C1orf146: variants seen among roughly 807,000 people sequenced by gnomAD.
C1orf146 encodes the protein chromosome 1 open reading frame 146.
C1orf146 carries 22 observed loss-of-function variants against 23.0 expected under a neutral mutation model. That is an observed-to-expected ratio of 0.96 (90% CI 0.68 to 1.36). The LOEUF is 1.36. Among genes scored for constraint, C1orf146 ranks in the 40% most tolerant of loss-of-function variants. The pLI, the probability that C1orf146 is intolerant of heterozygous loss-of-function variation, is 0.00. For synonymous variants in C1orf146, 59 were observed against 65.3 expected (o/e 0.90, Z 0.47); for missense variants, 199 against 206.8 (o/e 0.96, Z 0.23).
intron 2 of C1orf146, among the ~76,000 whole-genome samples, chr1:92,241,607 G>C (rs1338274027): frequency 6.6e-6 from 1 of 151,992 alleles, no homozygotes; most frequent in East Asian, 1.9e-4. Context: ...TCCTGCCTCA[G>C]CCTCCCAAGT....
At chr1:92,221,653 A>G (rs1416118576) in intron 1 of C1orf146, among the ~76,000 whole-genome samples, 1 of 152,204 alleles carries the variant, frequency 6.6e-6, no homozygotes, top group African/African-American at 2.4e-5. Context: ...GACCTTTTTC[A>G]GTGAATATCA....
At position 92,242,252 on chromosome 1, in the gene C1orf146, A is replaced by C. The variant is rs765284031; in HGVS notation, c.107A>C (p.Lys36Thr). 6.2e-7 allele frequency: 1 copy of C among 1,603,924 alleles called. No individual in the cohort carries two copies. The highest frequency in any genetic ancestry group is 1.1e-5 in the South Asian group (1 of 88,986). The change falls in exon 3 of 6, where the codon AAA (lysine) becomes ACA (threonine). Residue 36 changes from lysine (K) to threonine (T), a missense_variant. Transcript: ENST00000370375. ...VATALENRSH[K>T]VRYSDSVENG... ...ACTGCCCTAGAAAATCGAAGCCACA[A>C]AGTTCGATATTCAGATTCAGTGGAA...
intron 2 of C1orf146, among the ~76,000 whole-genome samples, chr1:92,238,913 G>T (rs569575545): frequency 6.6e-6 from 1 of 152,018 alleles, no homozygotes; most frequent in Non-Finnish European, 1.5e-5. Flanking sequence ...ATTTGACTCA[G>T]ATTTTTTGTT....
At chr1:92,227,030 A>C (rs1651984990) in intron 1 of C1orf146, among the ~76,000 whole-genome samples, 1 of 152,188 alleles carries the variant, frequency 6.6e-6, no homozygotes. Flanking sequence ...GACCTAAAGC[A>C]CCTTAGGTAC....
chr1:92,230,900 A>G (rs1042726587), intron 1 of C1orf146, among the ~76,000 whole-genome samples: 1 of 152,276 alleles, frequency 6.6e-6, no homozygotes, highest in Admixed American at 6.5e-5. Flanking sequence ...TTTCTTTCCT[A>G]TAATACAACC....
At chr1:92,228,353 A>ACAGT (rs932900189) in intron 1 of C1orf146, among the ~76,000 whole-genome samples, 2 of 152,196 alleles carry the variant, frequency 1.3e-5, no homozygotes, top group Non-Finnish European at 1.5e-5. Flanking sequence ...TCTCTTCATT[A>ACAGT]CAGTCAGCTT....
At chr1:92,229,249 C>T in intron 1 of C1orf146, 1 of 556,488 alleles carries the variant, frequency 1.8e-6, no homozygotes, top group Non-Finnish European at 3.6e-6. Flanking sequence ...CTGGACAGCA[C>T]TGTGTTGGCG....
chr1:92,225,479 T>A (rs1386650906), intron 1 of C1orf146, among the ~76,000 whole-genome samples: 1 of 152,248 alleles, frequency 6.6e-6, no homozygotes, highest in African/African-American at 2.4e-5. Flanking sequence ...TTTTTATGTT[T>A]TATGTTTGTT....
intron 1 of C1orf146, among the ~76,000 whole-genome samples, chr1:92,223,809 C>T (rs914251050): frequency 6.6e-6 from 1 of 152,148 alleles, no homozygotes; most frequent in African/African-American, 2.4e-5. Flanking sequence ...GCTGGGATTA[C>T]AGGCCTGAGC....
intron 1 of C1orf146, among the ~76,000 whole-genome samples, chr1:92,221,990 C>G (rs1651827167): frequency 6.6e-6 from 1 of 152,098 alleles, no homozygotes; most frequent in Non-Finnish European, 1.5e-5. Context: ...ACCTGTAATC[C>G]CAGCACTTTG....
chr1:92,242,084 T>G (rs943927432), intron 2 of C1orf146, 128 bp from the exon 3 acceptor site: 4 of 482,274 alleles, frequency 8.3e-6, no homozygotes, highest in African/African-American at 8.0e-5. Context: ...CATATTTATT[T>G]ATCTTTTGAT....
chr1:92,243,470 C>T (rs1032028945), intron 3 of C1orf146, among the ~76,000 whole-genome samples: 1 of 152,172 alleles, frequency 6.6e-6, no homozygotes, highest in African/African-American at 2.4e-5. Context: ...CCTCAGCCTC[C>T]TCAGTAGCTG....
rs565695748 is a variant in C1orf146, at chr1:92,245,563, T to C, written c.432T>C (p.Asp144=). ...AGACTACCTCCAAACCATACATAGA[T>C]AGCATTTGCTACAGAATGATAACAG... ...IAKTTSKPYI[D]SICYRMITAK... is the part of the protein sequence containing the mutation. Residue 144 remains aspartate (D), a synonymous_variant, in exon 6 of 6, where the codon GAT becomes GAC. Transcript: ENST00000370375. 7.5e-6 allele frequency: 12 copies of C among 1,596,050 alleles called. No homozygotes were observed. The highest frequency in any genetic ancestry group is 9.4e-6 in the Non-Finnish European group (11 of 1,173,660).
At chr1:92,245,034 T>G (rs528699515) in intron 5 of C1orf146, among the ~76,000 whole-genome samples, 177 bp downstream of exon 5, 1 of 152,326 alleles carries the variant, frequency 6.6e-6, no homozygotes, top group Admixed American at 6.5e-5. Flanking sequence ...CTCAATTTAC[T>G]TCCAGTAGCC....
chr1:92,219,848 T>C (rs572652222), intron 1 of C1orf146, among the ~76,000 whole-genome samples: 1 of 152,296 alleles, frequency 6.6e-6, no homozygotes, highest in East Asian at 1.9e-4. Context: ...GGTTGGAGTA[T>C]ATATACATAA....
intron 1 of C1orf146, among the ~76,000 whole-genome samples, chr1:92,224,301 G>C (rs1051964217): frequency 7.9e-5 from 12 of 152,032 alleles, no homozygotes; most frequent in African/African-American, 2.9e-4. Flanking sequence ...GCTCGCCTCA[G>C]CCTCCCAAGG....
At chr1:92,229,833 A>G (rs1652066018) in intron 1 of C1orf146, among the ~76,000 whole-genome samples, 1 of 152,148 alleles carries the variant, frequency 6.6e-6, no homozygotes, top group African/African-American at 2.4e-5. Flanking sequence ...TATAAGAAAA[A>G]GAAAAAAGTA....
intron 2 of C1orf146, among the ~76,000 whole-genome samples, chr1:92,239,179 G>T (rs1248842196): frequency 6.6e-6 from 1 of 152,110 alleles, no homozygotes; most frequent in Non-Finnish European, 1.5e-5. Context: ...TAGTAAACAG[G>T]CTGTTTTAAG....
intron 1 of C1orf146, among the ~76,000 whole-genome samples, chr1:92,222,756 T>C (rs563662817): frequency 1.3e-5 from 2 of 151,638 alleles, no homozygotes; most frequent in Non-Finnish European, 2.9e-5. Context: ...CCGGCTAATT[T>C]TTTGTATTTT....
Sources: allele counts gnomAD v4.1 joint callset (sites outside exome capture counted in the v4.1 genomes callset), GRCh38; gene constraint gnomAD v4.1.1; transcripts MANE v1.5; gene names NCBI Gene and HGNC (gene_info 2026-07-23, HGNC 2026-07-21).